Variants in ALG8 observed in about 807,000 individuals in gnomAD.
ALG8 encodes the protein dolichyl pyrophosphate Glc1Man9GlcNAc2 alpha-1,3-glucosyltransferase.
A neutral mutation model predicts 70.2 loss-of-function variants in ALG8; 48 were observed. That is an observed-to-expected ratio of 0.68 (90% CI 0.54 to 0.87). The LOEUF (loss-of-function observed/expected upper bound fraction) is 0.87. Among genes scored for constraint, ALG8 ranks in the 40% least tolerant of loss-of-function variants. The probability of loss-of-function intolerance (pLI) is 0.00; values close to 1 mark genes in which losing one functional copy is unlikely to be tolerated. For synonymous variants in ALG8, 234 were observed against 229.0 expected (o/e 1.02, Z -0.20); for missense variants, 572 against 608.7 (o/e 0.94, Z 0.64).
At chr11:78,110,265 G>C (rs1431818008) in intron 8 of ALG8, among the ~76,000 whole-genome samples, 2 of 152,116 alleles carry the variant, frequency 1.3e-5, no homozygotes, top group South Asian at 4.1e-4. Flanking sequence ...GCTCACTGCA[G>C]CCTCTGCCTC....
In ALG8 at chr11:78,113,325, C is replaced by A. The variant is rs545507977; in HGVS notation, c.778-555G>T. On this transcript the variant is annotated intron_variant, in intron 7 of 12. Coordinates refer to ENST00000299626, the MANE Select transcript of ALG8 (RefSeq NM_024079.5). ...TACAGAATACACAAATAATGAAGAT[C>A]AATTCTGTGTTTGTGTATGTGTAAT... is the stretch of plus-strand genomic sequence containing the variant. 5.3e-5 allele frequency among the ~76,000 whole-genome samples: 8 copies of A among 152,098 alleles called. No individual in the cohort carries two copies. The Middle Eastern group carries it at 0.01, about 194-fold the overall frequency.
intron 1 of ALG8, among the ~76,000 whole-genome samples, chr11:78,134,711 C>G (rs1861467719): frequency 6.6e-6 from 1 of 152,216 alleles, no homozygotes; most frequent in Non-Finnish European, 1.5e-5. Flanking sequence ...ACTTTCTCTG[C>G]TCATCCATGA....
chr11:78,115,713 G>C (rs1334851902), intron 5 of ALG8, among the ~76,000 whole-genome samples: 1 of 152,128 alleles, frequency 6.6e-6, no homozygotes, highest in Non-Finnish European at 1.5e-5. Flanking sequence ...AGTCTAATGT[G>C]TTCATAAATT....
chr11:78,120,927 T>C (rs1860794393), intron 4 of ALG8, 138 bp downstream of exon 4: 1 of 772,298 alleles, frequency 1.3e-6, no homozygotes, highest in African/African-American at 1.7e-5. Flanking sequence ...AGACCACAGT[T>C]AAGTGAGCCT....
chr11:78,107,623 G>C (rs2136886334), intron 9 of ALG8: 2 of 152,744 alleles, frequency 1.3e-5, no homozygotes, highest in East Asian at 3.9e-4. Flanking sequence ...CAGATCACTT[G>C]AGGTTAGGAG....
At chr11:78,120,547 T>TGG (rs987807479) in intron 4 of ALG8, among the ~76,000 whole-genome samples, 1 of 152,226 alleles carries the variant, frequency 6.6e-6, no homozygotes, top group African/African-American at 2.4e-5. Flanking sequence ...AACCAGAGGC[T>TGG]GGGTGCTTTC....
At chr11:78,128,005 C>T (rs1861151147) in intron 1 of ALG8, among the ~76,000 whole-genome samples, 1 of 152,254 alleles carries the variant, frequency 6.6e-6, no homozygotes, top group African/African-American at 2.4e-5. Context: ...CCCGGCCTAG[C>T]CCAAACTTTT....
chr11:78,120,035 G>A (rs1860753733), intron 4 of ALG8, among the ~76,000 whole-genome samples: 1 of 152,020 alleles, frequency 6.6e-6, no homozygotes, highest in Non-Finnish European at 1.5e-5. Context: ...CCAGGAGGCG[G>A]ACACTGCAGT....
chr11:78,115,120 C>T (rs1403462787), intron 5 of ALG8, among the ~76,000 whole-genome samples: 2 of 152,188 alleles, frequency 1.3e-5, no homozygotes, highest in Non-Finnish European at 2.9e-5. Context: ...GCAGCCTCCG[C>T]CTCCTCGGTT....
At chr11:78,123,843 C>G (rs1382922390) in intron 3 of ALG8, among the ~76,000 whole-genome samples, 178 bp downstream of exon 3, 2 of 152,174 alleles carry the variant, frequency 1.3e-5, no homozygotes, top group Non-Finnish European at 1.5e-5. Context: ...ATTTCTTCCA[C>G]AAGATTCAGC....
At chr11:78,127,223 C>T (rs112350259) in intron 2 of ALG8, 135 bp downstream of exon 2, 46 of 734,832 alleles carry the variant, frequency 6.3e-5, no homozygotes, top group Middle Eastern at 3.9e-4. Flanking sequence ...ATGATCTGCC[C>T]GCCTTGGCCT....
Position 78,109,729 on chromosome 11 carries a change from C to T in ALG8, c.899-148G>A, listed in dbSNP as rs1860197281. 1.1e-5 allele frequency: 9 copies of T among 802,136 alleles called. No individual in the cohort carries two copies. The Admixed American group carries it at 1.2e-4, about 11-fold the overall frequency. 49.7% of individuals were successfully genotyped at this position (802,136 alleles called of 1,614,324 possible). On this transcript the variant is annotated intron_variant, in intron 8 of 12. Coordinates refer to ENST00000299626, the MANE Select transcript of ALG8 (RefSeq NM_024079.5). ...AAGATTTCATGAATTTAATCCTATA[C>T]TATTCTACCCAAAATGCCTCTGGTC...
At chr11:78,129,403 G>C (rs1861210103) in intron 1 of ALG8, among the ~76,000 whole-genome samples, 1 of 128,014 alleles carries the variant, frequency 7.8e-6, no homozygotes, top group Admixed American at 8.6e-5. Context: ...CTGGGCGACA[G>C]AGCAAGACTC....
chr11:78,110,781 T>C (rs1860250488), intron 8 of ALG8, among the ~76,000 whole-genome samples: 1 of 152,158 alleles, frequency 6.6e-6, no homozygotes, highest in African/African-American at 2.4e-5. Flanking sequence ...TGTACCAAAA[T>C]ATTTTCTACT....
At position 78,104,920 on chromosome 11, in the gene ALG8, C is replaced by T. The variant is rs571530905; in HGVS notation, c.1179-467G>A. Among the ~76,000 whole-genome samples, 7 of 151,198 alleles carry T rather than the reference C, an allele frequency of 4.6e-5. 1 individual carries two copies. In the South Asian group the frequency reaches 6.3e-4, roughly 14 times the overall value. On this transcript the variant is annotated intron_variant, in intron 10 of 12. Coordinates refer to ENST00000299626, the MANE Select transcript of ALG8 (RefSeq NM_024079.5). ...CAGAGGATGCAGTGAGCCGAGATCG[C>T]GCCACTGCACTCCAGCCTGGGCAAC...
At chr11:78,135,907 G>T (rs1427932484) in intron 1 of ALG8, among the ~76,000 whole-genome samples, 1 of 151,412 alleles carries the variant, frequency 6.6e-6, no homozygotes, top group Non-Finnish European at 1.5e-5. Context: ...AGTGGCTCAT[G>T]TCTGTAATCC....
At chr11:78,109,413 G>C (rs371928572) in intron 9 of ALG8, 29 bp downstream of exon 9, 1 of 1,613,932 alleles carries the variant, frequency 6.2e-7, no homozygotes, top group Non-Finnish European at 8.5e-7. Flanking sequence ...GAAAACTCAA[G>C]AAATGAGCAC....
At chr11:78,130,231 C>T (rs1231575394) in intron 1 of ALG8, among the ~76,000 whole-genome samples, 1 of 150,814 alleles carries the variant, frequency 6.6e-6, no homozygotes, top group African/African-American at 2.4e-5. Context: ...CCCCTGTAGT[C>T]CCAGCTACTC....
At chr11:78,110,357 A>C (rs1008992861) in intron 8 of ALG8, among the ~76,000 whole-genome samples, 1 of 152,042 alleles carries the variant, frequency 6.6e-6, no homozygotes, top group African/African-American at 2.4e-5. Context: ...ATGCCCGGCT[A>C]ATTTTTGTAT....
Sources: gnomAD v4.1 joint callset for allele counts (sites outside exome capture counted in the v4.1 genomes callset) on GRCh38, gnomAD v4.1.1 for gene constraint, MANE v1.5 for transcripts, NCBI Gene and HGNC (gene_info 2026-07-23, HGNC 2026-07-21) for gene names.